SMAD4: variants seen among roughly 807,000 people sequenced by gnomAD.
SMAD4 encodes the protein SMAD family member 4, also known as MAD homolog 4.
A neutral mutation model predicts 63.2 loss-of-function variants in SMAD4; 7 were observed. That is an observed-to-expected ratio of 0.11 (90% confidence interval 0.06 to 0.21). The LOEUF (loss-of-function observed/expected upper bound fraction) is 0.21. Ranked by LOEUF, SMAD4 falls within the 10% of genes least tolerant of loss-of-function variation. The pLI, the probability that SMAD4 is intolerant of heterozygous loss-of-function variation, is 1.00. For synonymous variants in SMAD4, 215 were observed against 235.4 expected, an observed-to-expected ratio of 0.91 and a Z score of 0.79; for missense variants, 312 against 693.8, an observed-to-expected ratio of 0.45 and a Z score of 6.18.
chr18:51,058,568 T>C, intron 7 of SMAD4, 112 bp downstream of exon 7: 1 of 782,416 alleles, frequency 1.3e-6, no homozygotes, highest in Non-Finnish European at 2.2e-6. Context: ...TGATTTTGTT[T>C]CATTAAATAG....
chr18:51,054,896 A>C lies in SMAD4; in HGVS notation c.570A>C (p.Ala190=), dbSNP rs200717327. 1.2e-6 allele frequency: 2 copies of C among 1,614,168 alleles called. No individual in the cohort carries two copies. Among genetic ancestry groups the C allele is most frequent in the Admixed American group, 1.7e-5 (1 of 60,034 alleles). ...TCCAGCATCCACCAAGTAATCGTGC[A>C]TCGACAGAGACATACAGCACCCCAG... ...QTIQHPPSNR[A]STETYSTPAL... is the part of the protein sequence containing the mutation. The change falls in exon 5 of 12, where the codon GCA becomes GCC. Residue 190 remains alanine (A), a synonymous_variant. Coordinates refer to ENST00000342988, the MANE Select transcript of SMAD4 (RefSeq NM_005359.6).
chr18:51,073,361 TTA>T (rs35099364), intron 10 of SMAD4, among the ~76,000 whole-genome samples: 34 of 22,218 alleles, frequency 1.5e-3, no homozygotes, highest in African/African-American at 6.1e-3. Context: ...CCAGATAACA[TTA>T]TATATATATA....
chr18:51,059,400 T>C (rs1309283175), intron 7 of SMAD4, among the ~76,000 whole-genome samples: 1 of 152,180 alleles, frequency 6.6e-6, no homozygotes, highest in Non-Finnish European at 1.5e-5. Flanking sequence ...AACGTAATAA[T>C]TTATGTGAGG....
chr18:51,077,322 T>G, intron 11 of SMAD4: 3 of 916,034 alleles, frequency 3.3e-6, no homozygotes, highest in Non-Finnish European at 3.9e-6. Context: ...AACTCCTGAC[T>G]ATAGACTTTT....
rs1060504024 is a variant in SMAD4, at chr18:51,067,197, A to G, written c.1308+10A>G. Reference sequence around the variant, plus strand: ...AAGTGCATATATAAAGGTTAGTTACAATTTTATTTGAATATTTTAGACTTA... The same window carrying G: ...AAGTGCATATATAAAGGTTAGTTACGATTTTATTTGAATATTTTAGACTTA... On this transcript the variant is annotated intron_variant, in intron 10 of 11. Transcript: ENST00000342988. 4 of 1,486,888 alleles carry G rather than the reference A, an allele frequency of 2.7e-6. No homozygotes were observed. The highest frequency in any genetic ancestry group is 3.8e-6 in the Non-Finnish European group (4 of 1,065,692). The allele number at this position is 1,486,888 out of a possible 1,614,324, so 92.1% of individuals were successfully genotyped here.
intron 7 of SMAD4, among the ~76,000 whole-genome samples, 182 bp from the exon 8 acceptor site, chr18:51,059,684 A>G (rs981966125): frequency 6.6e-6 from 1 of 152,204 alleles, no homozygotes; most frequent in African/African-American, 2.4e-5. Flanking sequence ...AATATCCACA[A>G]AAGTATTAAT....
At chr18:51,033,055 T>A (rs1473555966) in intron 1 of SMAD4, among the ~76,000 whole-genome samples, 1 of 151,548 alleles carries the variant, frequency 6.6e-6, no homozygotes, top group African/African-American at 2.4e-5. Flanking sequence ...CGCCCCAAAA[T>A]TTTTTTTTGT....
At chr18:51,041,417 C>T (rs1342475991) in intron 1 of SMAD4, among the ~76,000 whole-genome samples, 2 of 152,142 alleles carry the variant, frequency 1.3e-5, no homozygotes, top group Non-Finnish European at 2.9e-5. Flanking sequence ...TAGGCATGGC[C>T]CAGAGTTTCT....
intron 9 of SMAD4, among the ~76,000 whole-genome samples, chr18:51,066,343 CAAAAAAA>C (rs112954430): frequency 3.0e-5 from 2 of 65,868 alleles, no homozygotes; most frequent in Non-Finnish European, 6.6e-5. Flanking sequence ...GACTCCATTT[CAAAAAAA>C]AAAAAAAAAA....
At position 51,030,233 on chromosome 18, in the gene SMAD4, A is replaced by C. The variant is rs914422902; in HGVS notation, c.-518A>C. The C allele has an allele frequency of 6.6e-6, 1 of 152,664 alleles. No individual in the cohort carries two copies. Among genetic ancestry groups the C allele is most frequent in the African/African-American group, 2.4e-5 (1 of 41,438 alleles). The allele number at this position is 152,664 out of a possible 1,614,324, so 9.5% of individuals were successfully genotyped here. On this transcript the variant is annotated 5_prime_UTR_variant, in exon 1 of 12. Transcript: ENST00000342988. ...CGCGCATGCTCAGTGGCTTCTCGACAAGTTGGCAGCAACAACACGGCCCTG... is the reference window on the plus strand; with the variant it reads ...CGCGCATGCTCAGTGGCTTCTCGACCAGTTGGCAGCAACAACACGGCCCTG...
intron 2 of SMAD4, 53 bp from the exon 3 acceptor site, chr18:51,048,633 A>T: frequency 6.8e-7 from 1 of 1,474,516 alleles, no homozygotes; most frequent in South Asian, 1.1e-5. Context: ...CAGAATATAT[A>T]AAAGTGTCTT....
At chr18:51,065,877 A>T (rs1029580595) in intron 9 of SMAD4, among the ~76,000 whole-genome samples, 1 of 152,164 alleles carries the variant, frequency 6.6e-6, no homozygotes, top group Non-Finnish European at 1.5e-5. Context: ...ATTCAGTTTG[A>T]AAATTTTATT....
At chr18:51,071,898 TTTCAC>T (rs1910327648) in intron 10 of SMAD4, among the ~76,000 whole-genome samples, 1 of 152,242 alleles carries the variant, frequency 6.6e-6, no homozygotes, top group Non-Finnish European at 1.5e-5. Context: ...ACTTACTTCT[TTTCAC>T]TAAGCATAAT....
chr18:51,055,072 A>T, intron 5 of SMAD4, 79 bp downstream of exon 5: 1 of 1,024,914 alleles, frequency 9.8e-7, no homozygotes, highest in South Asian at 1.3e-5. Flanking sequence ...ACTTGGGGGG[A>T]AACTCCAAGT....
chr18:51,035,398 T>G (rs1909175054), intron 1 of SMAD4, among the ~76,000 whole-genome samples: 1 of 152,142 alleles, frequency 6.6e-6, no homozygotes, highest in African/African-American at 2.4e-5. Context: ...CCCTGTGGGC[T>G]TGGTCTGGTG....
chr18:51,041,365 T>C (rs567679589), intron 1 of SMAD4, among the ~76,000 whole-genome samples: 1 of 152,286 alleles, frequency 6.6e-6, no homozygotes, highest in African/African-American at 2.4e-5. Flanking sequence ...TGGCACATGG[T>C]AGTATTGTGC....
chr18:51,037,352 A>T (rs1416689654), intron 1 of SMAD4, among the ~76,000 whole-genome samples: 1 of 152,220 alleles, frequency 6.6e-6, no homozygotes, highest in Non-Finnish European at 1.5e-5. Context: ...AATTATTTTC[A>T]TAATGAAACT....
chr18:51,071,290 A>G (rs996958631), intron 10 of SMAD4, among the ~76,000 whole-genome samples: 2 of 152,128 alleles, frequency 1.3e-5, no homozygotes, highest in African/African-American at 4.8e-5. Flanking sequence ...ATACACACAC[A>G]CACACACATT....
intron 1 of SMAD4, among the ~76,000 whole-genome samples, chr18:51,042,449 G>A (rs1314544015): frequency 6.6e-6 from 1 of 151,812 alleles, no homozygotes; most frequent in Non-Finnish European, 1.5e-5. Flanking sequence ...TTGGCTCACT[G>A]CAACCTCTGC....
Sources: gnomAD v4.1 joint callset for allele counts (sites outside exome capture counted in the v4.1 genomes callset) on GRCh38, gnomAD v4.1.1 for gene constraint, MANE v1.5 for transcripts, NCBI Gene and HGNC (gene_info 2026-07-23, HGNC 2026-07-21) for gene names.